Variants in MED28 observed in about 807,000 individuals in gnomAD.
The protein encoded by MED28 is mediator complex subunit 28, also known as mediator of RNA polymerase II transcription subunit 28.
A neutral mutation model predicts 21.3 loss-of-function variants in MED28; 26 were observed. The ratio of observed to expected loss-of-function variants is 1.22; its 90% CI spans 0.89 to 1.69. The LOEUF is 1.69. Among genes scored for constraint, MED28 ranks in the 40% most tolerant of loss-of-function variants. The pLI is 0.00. For synonymous variants in MED28, 110 were observed against 87.6 expected (o/e 1.26, Z -1.43); for missense variants, 257 against 215.4 (o/e 1.19, Z -1.21).
intron 2 of MED28, 30 bp downstream of exon 2, chr4:17,619,997 C>T: frequency 6.3e-7 from 1 of 1,597,294 alleles, no homozygotes; most frequent in Non-Finnish European, 8.6e-7. Flanking sequence ...ACACAATGTT[C>T]TGGGCTTCAG....
chr4:17,616,888 C>G (rs916962911), intron 1 of MED28, among the ~76,000 whole-genome samples: 2 of 152,178 alleles, frequency 1.3e-5, no homozygotes, highest in Non-Finnish European at 2.9e-5. Flanking sequence ...TTGCCTGATT[C>G]ACATATATGT....
At position 17,626,152 on chromosome 4, in the gene MED28, G is replaced by A. The variant is rs546154907; in HGVS notation, c.*2354G>A. ...TTTGGGGGGCTGAGGCAGGAGAATCGCTTGAACCTGGGAGGCAGAGGTTGT... is the reference window on the plus strand; with the variant it reads ...TTTGGGGGGCTGAGGCAGGAGAATCACTTGAACCTGGGAGGCAGAGGTTGT... On this transcript the variant is annotated 3_prime_UTR_variant, in exon 4 of 4. Coordinates refer to ENST00000237380, the MANE Select transcript of MED28 (RefSeq NM_025205.5). 8.2e-4 allele frequency: 127 copies of A among 154,492 alleles called. No homozygotes were observed. The highest frequency in any genetic ancestry group is 2.7e-3 in the African/African-American group (111 of 41,560). The allele number at this position is 154,492 out of a possible 1,614,324, so 9.6% of individuals were successfully genotyped here.
intron 1 of MED28, among the ~76,000 whole-genome samples, chr4:17,618,017 T>TC (rs1320260345): frequency 2.2e-5 from 3 of 134,776 alleles, no homozygotes; most frequent in African/African-American, 3.4e-5. Flanking sequence ...TCTTTTCTTT[T>TC]TTTTTTTTTT....
In MED28 at chr4:17,624,218, C is replaced by T. The variant is rs1264748629; in HGVS notation, c.*420C>T. On this transcript the variant is annotated 3_prime_UTR_variant, in exon 4 of 4. Transcript: ENST00000237380. ...TAGTCGTAGGCCTTATGATAATTAC[C>T]CCGCGGTGGTGTGTAGAAAAGTATG... 1 of 187,788 alleles carries T rather than the reference C, an allele frequency of 5.3e-6. No individual in the cohort carries two copies. Among genetic ancestry groups the T allele is most frequent in the Non-Finnish European group, 1.1e-5 (1 of 88,108 alleles). The allele number at this position is 187,788 out of a possible 1,614,324, so 11.6% of individuals were successfully genotyped here.
Position 17,623,162 on chromosome 4 carries a change from AG to A in MED28, c.340-437del, listed in dbSNP as rs565328694. Among the ~76,000 whole-genome samples the A allele has an allele frequency of 8.8e-3, 1,336 of 152,272 alleles. 19 individuals carry two copies. The highest frequency in any genetic ancestry group is 0.031 in the African/African-American group (1,289 of 41,560). On this transcript the variant is annotated intron_variant, in intron 3 of 3. Coordinates refer to ENST00000237380, the MANE Select transcript of MED28 (RefSeq NM_025205.5). ...ACGCCTGTAATCCTAGCACTTTGGG[AG>A]GCTGAAGCAGGTGGATAACTTGAGG... is the stretch of plus-strand genomic sequence containing the variant.
At chr4:17,619,991 A>G (rs1386204599) in intron 2 of MED28, 24 bp downstream of exon 2, 3 of 1,604,960 alleles carry the variant, frequency 1.9e-6, no homozygotes, top group Non-Finnish European at 8.5e-7. Context: ...CTGTGTACAC[A>G]ATGTTCTGGG....
intron 3 of MED28, among the ~76,000 whole-genome samples, chr4:17,622,254 G>A (rs760044469): frequency 2.0e-5 from 3 of 152,186 alleles, no homozygotes; most frequent in Non-Finnish European, 2.9e-5. Flanking sequence ...ATGTGGAAGA[G>A]TGAAGAATCA....
At chr4:17,614,837 TGTCCC>T (rs773780340) in intron 1 of MED28, 24 bp downstream of exon 1, 3 of 1,576,062 alleles carry the variant, frequency 1.9e-6, no homozygotes, top group Non-Finnish European at 2.6e-6. Context: ...TGGGCGTCTT[TGTCCC>T]TAGCCTTCCC....
Position 17,634,019 on chromosome 4 carries a change from TACATGCTATTTTTTA to T in MED28, c.*10223_*10237del. On this transcript the variant is annotated 3_prime_UTR_variant, in exon 4 of 4. Coordinates refer to ENST00000237380, the MANE Select transcript of MED28 (RefSeq NM_025205.5). ...GAAGCAACAATTTCATTTATACACT[TACATGCTATTTTTTA>T]AAGCACTTTTCCCTCCAATCTTCAT... The T allele has an allele frequency of 1.6e-6, 1 of 621,418 alleles. No homozygotes were observed. The highest frequency in any genetic ancestry group is 4.7e-4 in the Middle Eastern group (1 of 2,108). 38.5% of individuals were successfully genotyped at this position (621,418 alleles called of 1,614,324 possible). A position where few individuals can be genotyped will look rare whatever the true frequency, so the allele number is the denominator to read the frequency against.
In MED28 at chr4:17,632,389, GTTAACGCCAAAATTTGTT is replaced by G; in HGVS notation, c.*8595_*8612del. On this transcript the variant is annotated 3_prime_UTR_variant, in exon 4 of 4. Transcript: ENST00000237380. ...TGTGCCTGGCAGAACAGTATGAAGT[GTTAACGCCAAAATTTGTT>G]TTAGCTATCATATATAAATCATAAG... is the stretch of plus-strand genomic sequence containing the variant. The G allele has an allele frequency of 1.6e-6, 1 of 637,618 alleles. No homozygotes were observed. Among genetic ancestry groups the G allele is most frequent in the Non-Finnish European group, 2.6e-6 (1 of 379,950 alleles). 39.5% of individuals were successfully genotyped at this position (637,618 alleles called of 1,614,324 possible). A position where few individuals can be genotyped will look rare whatever the true frequency, so the allele number is the denominator to read the frequency against.
In MED28 at chr4:17,624,284, G is replaced by A. The variant is rs903166346; in HGVS notation, c.*486G>A. On this transcript the variant is annotated 3_prime_UTR_variant, in exon 4 of 4. Transcript: ENST00000237380. ...TTAAGACTTTGAACTACCTCAAGAA[G>A]AGGAATCTAATACAATATTTGTAAT... 10 of 163,976 alleles carry A rather than the reference G, an allele frequency of 6.1e-5. No individual in the cohort carries two copies. Among genetic ancestry groups the A allele is most frequent in the African/African-American group, 2.4e-4 (10 of 41,494 alleles). 10.2% of individuals were successfully genotyped at this position (163,976 alleles called of 1,614,324 possible).
intron 1 of MED28, among the ~76,000 whole-genome samples, chr4:17,616,328 T>C (rs888039070): frequency 6.6e-6 from 1 of 152,116 alleles, no homozygotes; most frequent in African/African-American, 2.4e-5. Flanking sequence ...TGCTAAGTGG[T>C]AAAGGAAGGG....
At position 17,632,675 on chromosome 4, in the gene MED28, A is replaced by T; in HGVS notation, c.*8877A>T. On this transcript the variant is annotated 3_prime_UTR_variant, in exon 4 of 4. Transcript: ENST00000237380. ...ATATGGTTTTGAAAACTATGCAAGA[A>T]GCAGCTTAATACCCACCATCTTTTC... 1 of 1,277,466 alleles carries T rather than the reference A, an allele frequency of 7.8e-7. No individual in the cohort carries two copies. The highest frequency in any genetic ancestry group is 2.6e-5 in the East Asian group (1 of 39,018). The allele number at this position is 1,277,466 out of a possible 1,614,324, so 79.1% of individuals were successfully genotyped here.
At chr4:17,621,889 G>A (rs910966087) in intron 3 of MED28, among the ~76,000 whole-genome samples, 190 bp downstream of exon 3, 3 of 152,210 alleles carry the variant, frequency 2.0e-5, no homozygotes, top group Non-Finnish European at 2.9e-5. Flanking sequence ...AGTGGGGTCC[G>A]AAAGCAGAGT....
At chr4:17,617,832 G>A (rs1231831366) in intron 1 of MED28, among the ~76,000 whole-genome samples, 2 of 152,020 alleles carry the variant, frequency 1.3e-5, no homozygotes, top group South Asian at 2.1e-4. Context: ...GCTGAAACCC[G>A]GGAGGCAGAG....
chr4:17,616,608 TG>T (rs769811309), intron 1 of MED28, among the ~76,000 whole-genome samples: 31 of 152,210 alleles, frequency 2.0e-4, no homozygotes, highest in Non-Finnish European at 4.1e-4. Flanking sequence ...GTGTACCATT[TG>T]TTTTCTCTTT....
In MED28 at chr4:17,634,002, AATTTC is replaced by A. The variant is rs1334835213; in HGVS notation, c.*10209_*10213del. 1 of 788,386 alleles carries A rather than the reference AATTTC, an allele frequency of 1.3e-6. No homozygotes were observed. Among genetic ancestry groups the A allele is most frequent in the African/African-American group, 1.8e-5 (1 of 55,160 alleles). The allele number at this position is 788,386 out of a possible 1,614,324, so 48.8% of individuals were successfully genotyped here. On this transcript the variant is annotated 3_prime_UTR_variant, in exon 4 of 4. Transcript: ENST00000237380. Reference sequence around the variant, plus strand: ...AAAATTGTATCGGAGAAGAAGCAACAATTTCATTTATACACTTACATGCTATTTTT... The same window carrying A: ...AAAATTGTATCGGAGAAGAAGCAACAATTTATACACTTACATGCTATTTTT...
rs148071699 is a variant in MED28 at position 17,624,930 on chromosome 4, A to C, written c.*1132A>C. ...CATTGGGTAAGGTTTTCTGAGTTTT[A>C]TATCTTATTAGATCACATCCCTTTA... On this transcript the variant is annotated 3_prime_UTR_variant, in exon 4 of 4. Coordinates refer to ENST00000237380, the MANE Select transcript of MED28 (RefSeq NM_025205.5). The C allele has an allele frequency of 3.3e-5, 5 of 152,040 alleles. No individual in the cohort carries two copies. Among genetic ancestry groups the C allele is most frequent in the Non-Finnish European group, 7.3e-5 (5 of 68,028 alleles). The allele number at this position is 152,040 out of a possible 1,614,324, so 9.4% of individuals were successfully genotyped here.
rs199549580 is a variant in MED28, at chr4:17,632,043, ATTTTTTTTTTTTTTTTT to A, written c.*8273_*8289del. ...TTTTAATAACACTGGTTTAATGTCA[ATTTTTTTTTTTTTTTTT>A]TTTTTTTTTTTTTTTTTTTTTTTTT... On this transcript the variant is annotated 3_prime_UTR_variant, in exon 4 of 4. Coordinates refer to ENST00000237380, the MANE Select transcript of MED28 (RefSeq NM_025205.5). The A allele has an allele frequency of 6.0e-4, 71 of 117,598 alleles. No homozygotes were observed. The highest frequency in any genetic ancestry group is 2.0e-3 in the East Asian group (9 of 4,602). 7.3% of individuals were successfully genotyped at this position (117,598 alleles called of 1,614,324 possible). A position where few individuals can be genotyped will look rare whatever the true frequency, so the allele number is the denominator to read the frequency against.
Sources: gnomAD v4.1 joint callset for allele counts (sites outside exome capture counted in the v4.1 genomes callset) on GRCh38, gnomAD v4.1.1 for gene constraint, MANE v1.5 for transcripts, NCBI Gene and HGNC (gene_info 2026-07-23, HGNC 2026-07-21) for gene names.